The following GHITM variants were observed in gnomAD, a reference collection of about 807,000 sequenced individuals.
GHITM encodes the protein growth hormone-inducible transmembrane protein.
In GHITM, 24 loss-of-function variants were observed where a neutral mutation model predicts 38.7. That is an observed-to-expected ratio of 0.62 (90% CI 0.45 to 0.87). The LOEUF (loss-of-function observed/expected upper bound fraction) is 0.87, where lower values mean the gene tolerates loss of function less well. GHITM is among the 40% of genes least tolerant of loss of function. The pLI is 0.00. For synonymous variants in GHITM, 154 were observed against 147.8 expected, an observed-to-expected ratio of 1.04 and a Z score of -0.30; for missense variants, 420 against 429.8, an observed-to-expected ratio of 0.98 and a Z score of 0.20.
intron 4 of GHITM, among the ~76,000 whole-genome samples, chr10:84,144,541 A>G (rs1841539127): frequency 6.6e-6 from 1 of 152,002 alleles, no homozygotes; most frequent in Non-Finnish European, 1.5e-5. Context: ...TTTAGTAGAG[A>G]CGGGGTTTCA....
chr10:84,149,214 G>A (rs541143946), intron 6 of GHITM, among the ~76,000 whole-genome samples: 7 of 152,226 alleles, frequency 4.6e-5, no homozygotes, highest in South Asian at 2.1e-4. Flanking sequence ...ATGTTGCTGC[G>A]AAATAACAAA....
In GHITM at chr10:84,150,058, T is replaced by A. The variant is rs751782685; in HGVS notation, c.596T>A (p.Val199Glu). ...TGAGCACTTCCTCTTTCTCCAGGTG[T>A]GATGGGTGCAGTGGTGGCTCCTCTG... ...KHLAWLLHSG[V>E]MGAVVAPLTI... Residue 199 changes from valine to glutamate, a missense_variant, in exon 7 of 9, where the codon GTG becomes GAG. Physicochemically the swap from Val to Glu is moderately radical, Grantham distance 121. Transcript: ENST00000372134. 5.9e-6 allele frequency: 9 copies of A among 1,538,336 alleles called. No homozygotes were observed. In the African/African-American group the frequency reaches 1.2e-4, roughly 21 times the overall value.
intron 1 of GHITM, 35 bp from the exon 2 acceptor site, chr10:84,141,427 T>G (rs1402654236): frequency 2.8e-6 from 4 of 1,413,230 alleles, no homozygotes; most frequent in Non-Finnish European, 4.0e-6. Flanking sequence ...TTTACTTATG[T>G]TTTTTTGGTT....
chr10:84,147,713 C>A (rs922530885), intron 5 of GHITM, among the ~76,000 whole-genome samples: 2 of 151,826 alleles, frequency 1.3e-5, no homozygotes, highest in Non-Finnish European at 2.9e-5. Flanking sequence ...ATTTAAATTT[C>A]TTGGAGATTA....
rs752105747 is a variant in GHITM, at chr10:84,150,858, C to G, written c.931C>G (p.Gln311Glu). 7 of 1,606,214 alleles carry G rather than the reference C, an allele frequency of 4.4e-6. No homozygotes were observed. Among genetic ancestry groups the G allele is most frequent in the Non-Finnish European group, 6.0e-6 (7 of 1,173,900 alleles). The change falls in exon 8 of 9, where the codon CAA becomes GAA. Residue 311 changes from glutamine to glutamate, a missense_variant. Physicochemically the swap from Gln to Glu is conservative, Grantham distance 29. Coordinates refer to ENST00000372134, the MANE Select transcript of GHITM (RefSeq NM_014394.3). Reference sequence around the variant, plus strand: ...AGAAGTATCACCAATGTATGGAGTTCAAAAATATGATCCCATTAACTCGTA... The same window carrying G: ...AGAAGTATCACCAATGTATGGAGTTGAAAAATATGATCCCATTAACTCGTA... The part of the protein sequence containing the change: ...RAEVSPMYGV[Q>E]KYDPINSMLS...
chr10:84,145,781 C>G (rs113518577), intron 5 of GHITM, among the ~76,000 whole-genome samples: 6 of 152,324 alleles, frequency 3.9e-5, no homozygotes, highest in Non-Finnish European at 7.3e-5. Flanking sequence ...GGCACAGATA[C>G]GCAATAAGAA....
intron 1 of GHITM, chr10:84,140,587 C>G (rs1841496842): frequency 6.6e-6 from 1 of 152,182 alleles, no homozygotes; most frequent in Non-Finnish European, 1.5e-5. Context: ...GAATTCACTA[C>G]AAATCATTGG....
At chr10:84,140,385 T>C (rs1160976147) in intron 1 of GHITM, 6 of 152,204 alleles carry the variant, frequency 3.9e-5, no homozygotes, top group African/African-American at 1.4e-4. Flanking sequence ...GGAGTGTTCG[T>C]TAAAACACAC....
intron 1 of GHITM, among the ~76,000 whole-genome samples, chr10:84,141,138 ACT>A (rs1386974837): frequency 6.6e-6 from 1 of 152,074 alleles, no homozygotes; most frequent in African/African-American, 2.4e-5. Flanking sequence ...ACCATCACAG[ACT>A]CTGTAATCAC....
chr10:84,140,514 TCTGA>T, intron 1 of GHITM: 1 of 152,210 alleles, frequency 6.6e-6, no homozygotes, highest in Admixed American at 6.5e-5. Context: ...AACGCTGTAG[TCTGA>T]ACACGGAATC....
chr10:84,147,562 A>G (rs1187877209), intron 5 of GHITM, among the ~76,000 whole-genome samples: 1 of 152,190 alleles, frequency 6.6e-6, no homozygotes, highest in Non-Finnish European at 1.5e-5. Flanking sequence ...GTTGACATCT[A>G]GAGGTTACTG....
In GHITM at chr10:84,147,075, T is replaced by C. The variant is rs191100236; in HGVS notation, c.484-1655T>C. Reference sequence around the variant, plus strand: ...GATTGAATTAAGGAGGCCTGAAATTTTGGGGCATGTTGGCAGCTGTGCCAG... The same window carrying C: ...GATTGAATTAAGGAGGCCTGAAATTCTGGGGCATGTTGGCAGCTGTGCCAG... On this transcript the variant is annotated intron_variant, in intron 5 of 8. Coordinates refer to ENST00000372134, the MANE Select transcript of GHITM (RefSeq NM_014394.3). Among the ~76,000 whole-genome samples the C allele has an allele frequency of 6.3e-3, 966 of 152,268 alleles. 10 individuals are homozygous for C. The highest frequency in any genetic ancestry group is 0.022 in the African/African-American group (931 of 41,556).
chr10:84,142,652 C>G lies in GHITM; in HGVS notation c.130-3C>G. On this transcript the variant is annotated splice_polypyrimidine_tract_variant and splice_region_variant and intron_variant, in intron 2 of 8. Transcript: ENST00000372134. ...TACGTGTCTTTGTTTGCATGTGTGT[C>G]AGGAATATGCCACCAAAACAAGAAT... is the stretch of plus-strand genomic sequence containing the variant. 1.9e-6 allele frequency: 3 copies of G among 1,601,968 alleles called. No homozygotes were observed. The highest frequency in any genetic ancestry group is 2.6e-6 in the Non-Finnish European group (3 of 1,170,230).
chr10:84,147,797 G>A (rs1841570905), intron 5 of GHITM, among the ~76,000 whole-genome samples: 1 of 152,002 alleles, frequency 6.6e-6, no homozygotes, highest in South Asian at 2.1e-4. Flanking sequence ...TATAACACTG[G>A]AAATCTAAGA....
rs531446362 is a variant in GHITM at position 84,152,347 on chromosome 10, G to A, written c.1037G>A (p.Ter346=). 52 of 1,572,548 alleles carry A rather than the reference G, an allele frequency of 3.3e-5. No homozygotes were observed. The South Asian group carries it at 5.3e-4, about 16-fold the overall frequency. The change falls in exon 9 of 9, where the codon TGA becomes TAA. Residue 346 remains the stop codon, a stop_retained_variant. Coordinates refer to ENST00000372134, the MANE Select transcript of GHITM (RefSeq NM_014394.3). Reference sequence around the variant, plus strand: ...GCAACTGGAGGCAACAGAAAGAAATGAAGTGACTCAGCTTCTGGCTTCTCT... The same window carrying A: ...GCAACTGGAGGCAACAGAAAGAAATAAAGTGACTCAGCTTCTGGCTTCTCT... The part of the protein sequence containing the change: ...MLATGGNRKK[*]
intron 1 of GHITM, among the ~76,000 whole-genome samples, 171 bp from the exon 2 acceptor site, chr10:84,141,291 A>G (rs1841503321): frequency 1.3e-5 from 2 of 152,136 alleles, no homozygotes; most frequent in African/African-American, 2.4e-5. Context: ...ATTACAGTGG[A>G]TGGTTGGGCA....
At chr10:84,144,796 AGGTC>A in intron 4 of GHITM, 75 bp from the exon 5 acceptor site, 1 of 821,460 alleles carries the variant, frequency 1.2e-6, no homozygotes, top group Non-Finnish European at 1.9e-6. Context: ...ATTTATCCCG[AGGTC>A]GCCCAGCTAG....
At chr10:84,151,755 A>G (rs2132745298) in intron 8 of GHITM, among the ~76,000 whole-genome samples, 1 of 152,170 alleles carries the variant, frequency 6.6e-6, no homozygotes, top group Non-Finnish European at 1.5e-5. Context: ...CTTGAGTTTC[A>G]TTGTGTCTGT....
chr10:84,148,028 T>C (rs1841573210), intron 5 of GHITM, among the ~76,000 whole-genome samples: 1 of 152,276 alleles, frequency 6.6e-6, no homozygotes, highest in South Asian at 2.1e-4. Context: ...AAAATGCTAT[T>C]TGTGCTATAC....
Sources: gnomAD v4.1 joint callset for allele counts (sites outside exome capture counted in the v4.1 genomes callset) on GRCh38, gnomAD v4.1.1 for gene constraint, MANE v1.5 for transcripts, NCBI Gene and HGNC (gene_info 2026-07-23, HGNC 2026-07-21) for gene names.